Variants in HERC2 observed in about 807,000 individuals in gnomAD.
HERC2 encodes E3 ubiquitin-protein ligase HERC2.
In HERC2, 102 loss-of-function variants were observed where a neutral mutation model predicts 537.7. That is an observed-to-expected ratio of 0.19 (90% CI 0.16 to 0.22). The LOEUF (loss-of-function observed/expected upper bound fraction) is 0.22, where lower values mean the gene tolerates loss of function less well. Among genes scored for constraint, HERC2 ranks in the 10% least tolerant of loss-of-function variants. The pLI is 1.00. For synonymous variants in HERC2, 2,224 were observed against 2,466.2 expected, an observed-to-expected ratio of 0.90 and a Z score of 2.91; for missense variants, 4,236 against 6,198.2, an observed-to-expected ratio of 0.68 and a Z score of 10.63.
At chr15:28,278,181 G>A (rs971823408) in intron 5 of HERC2, among the ~76,000 whole-genome samples, 4 of 152,040 alleles carry the variant, frequency 2.6e-5, no homozygotes, top group East Asian at 3.9e-4. Context: ...CAGATCACTC[G>A]AGGCCAGCCT....
At chr15:28,175,040 G>A (rs1895124586) in intron 64 of HERC2, among the ~76,000 whole-genome samples, 1 of 151,858 alleles carries the variant, frequency 6.6e-6, no homozygotes. Flanking sequence ...CTAAAATACA[G>A]TAATGGTAAT....
chr15:28,304,390 T>TG (rs1279427928), intron 2 of HERC2, among the ~76,000 whole-genome samples: 1 of 150,292 alleles, frequency 6.7e-6, no homozygotes, highest in Non-Finnish European at 1.5e-5. Flanking sequence ...TTTCCTGAGA[T>TG]GGAGTCTTGC....
intron 35 of HERC2, among the ~76,000 whole-genome samples, chr15:28,225,997 A>C (rs1596278741): frequency 6.6e-6 from 1 of 152,368 alleles, no homozygotes; most frequent in Non-Finnish European, 1.5e-5. Context: ...ACTCTACCAA[A>C]GATTTAAAGC....
At position 28,265,968 on chromosome 15, in the gene HERC2, CA is replaced by C; in HGVS notation, c.1604del (p.Leu535TrpfsTer6). ...AGGCGGAGATCACCTTAGGCTCCTC[CA>C]AAGGCCTTGGGGAGAAAGGGAACAA... is the stretch of plus-strand genomic sequence containing the variant. ...GRLGHGDTVP[L>X]EEPKVISAFS... On this transcript the variant is annotated frameshift_variant, in exon 13 of 93. Coordinates refer to ENST00000261609, the MANE Select transcript of HERC2 (RefSeq NM_004667.6). LOFTEE classifies it high-confidence loss of function. The surrounding 1 kb of genome is among the most constrained non-coding windows in gnomAD (Gnocchi z 4.0). 6.2e-7 allele frequency: 1 copy of C among 1,614,112 alleles called. No homozygotes were observed. The highest frequency in any genetic ancestry group is 1.3e-5 in the African/African-American group (1 of 75,050).
At chr15:28,142,179 C>G in intron 76 of HERC2, 59 bp downstream of exon 76, 1 of 1,564,986 alleles carries the variant, frequency 6.4e-7, no homozygotes, top group Non-Finnish European at 8.7e-7. Flanking sequence ...CATCTTGTTA[C>G]ACTATAGCTA....
intron 2 of HERC2, chr15:28,315,617 A>AC: frequency 1.9e-6 from 1 of 526,388 alleles, no homozygotes; most frequent in East Asian, 3.3e-5. Flanking sequence ...ACATGGTGAA[A>AC]CCCCATCTCT....
At chr15:28,123,362 A>G (rs1195930790) in intron 85 of HERC2, among the ~76,000 whole-genome samples, 3 of 152,210 alleles carry the variant, frequency 2.0e-5, no homozygotes, top group Non-Finnish European at 4.4e-5. Context: ...CCAATTCTAT[A>G]ACTTTTCCCT....
chr15:28,123,917 C>T (rs1889195679), intron 85 of HERC2, 120 bp downstream of exon 85: 11 of 756,478 alleles, frequency 1.5e-5, no homozygotes, highest in East Asian at 3.2e-5. Flanking sequence ...GGAGGCATTC[C>T]GTGAACATTT....
chr15:28,304,115 G>A lies in HERC2; in HGVS notation c.73-4599C>T, dbSNP rs148216822. Among the ~76,000 whole-genome samples, 619 of 130,096 alleles carry A rather than the reference G, an allele frequency of 4.8e-3. 4 individuals are homozygous for A. Among genetic ancestry groups the A allele is most frequent in the African/African-American group, 0.017 (578 of 34,326 alleles). 85.3% of individuals were successfully genotyped at this position (130,096 alleles called of 152,430 possible). A position where few individuals can be genotyped will look rare whatever the true frequency, so the allele number is the denominator to read the frequency against. On this transcript the variant is annotated intron_variant, in intron 2 of 92. Transcript: ENST00000261609. ...CAGGAGGCAGAGGTTGCAGTGAGCC[G>A]AGATTGCGCCATTGCTTTCCAGCCT...
At chr15:28,253,232 ACTT>A (rs921747136) in intron 20 of HERC2, among the ~76,000 whole-genome samples, 5 of 152,180 alleles carry the variant, frequency 3.3e-5, no homozygotes, top group Non-Finnish European at 5.9e-5. Context: ...GCTGACTCTG[ACTT>A]CTTCTTCCCA....
Position 28,217,780 on chromosome 15 carries a change from CA to C in HERC2, c.6028+708del, listed in dbSNP as rs202195884. On this transcript the variant is annotated intron_variant, in intron 38 of 92. Transcript: ENST00000261609. ...GAGACAGAAAAGGACATGCAGAACA[CA>C]GGGGCAGGGGCCATGTGAAGACGCA... Among the ~76,000 whole-genome samples, 917 of 152,264 alleles carry C rather than the reference CA, an allele frequency of 6.0e-3. 8 individuals carry two copies. Among genetic ancestry groups the C allele is most frequent in the Middle Eastern group, 0.017 (5 of 294 alleles).
chr15:28,262,066 GAGAGA>G (rs1255535536), intron 15 of HERC2, among the ~76,000 whole-genome samples: 1 of 152,124 alleles, frequency 6.6e-6, no homozygotes, highest in Admixed American at 6.5e-5. Context: ...GCCCACCCCT[GAGAGA>G]AGAGAACCCT....
chr15:28,197,341 G>A (rs1228305777), intron 50 of HERC2, among the ~76,000 whole-genome samples: 1 of 152,120 alleles, frequency 6.6e-6, no homozygotes, highest in African/African-American at 2.4e-5. Context: ...AGTGTGCCAC[G>A]GATTTGATTT....
chr15:28,126,283 G>A (rs537590907), intron 83 of HERC2, among the ~76,000 whole-genome samples: 9 of 152,308 alleles, frequency 5.9e-5, no homozygotes, highest in Middle Eastern at 3.4e-3. Context: ...AACGCGTTGT[G>A]ATGGAAAGCA....
intron 15 of HERC2, among the ~76,000 whole-genome samples, chr15:28,262,267 C>T (rs1018726780): frequency 6.6e-6 from 1 of 152,078 alleles, no homozygotes; most frequent in Non-Finnish European, 1.5e-5. Context: ...TTTGATGGCC[C>T]CCACCCCAAC....
chr15:28,197,950 C>T (rs1250917297), intron 50 of HERC2, among the ~76,000 whole-genome samples: 1 of 152,186 alleles, frequency 6.6e-6, no homozygotes, highest in Non-Finnish European at 1.5e-5. Context: ...CACACAGTCC[C>T]CTATCCTGGT....
At chr15:28,210,741 T>A (rs1899110185) in intron 44 of HERC2, among the ~76,000 whole-genome samples, 1 of 152,054 alleles carries the variant, frequency 6.6e-6, no homozygotes, top group South Asian at 2.1e-4. Flanking sequence ...GCCACCAATC[T>A]TGCTGACCCA....
At position 28,254,450 on chromosome 15, in the gene HERC2, T is replaced by A. The variant is rs764788352; in HGVS notation, c.2940A>T (p.Thr980=). 1.3e-5 allele frequency: 21 copies of A among 1,607,418 alleles called. No individual in the cohort carries two copies. The East Asian group carries it at 1.6e-4, about 12-fold the overall frequency. ...EIDEQEANAS[T]FHRSRTPLDK... ...CCAGTGGAGTCCTGCTTCTATGAAATGTTGAGGCATTCGCTTCCTGTTCAT... is the reference window on the plus strand; with the variant it reads ...CCAGTGGAGTCCTGCTTCTATGAAAAGTTGAGGCATTCGCTTCCTGTTCAT... Residue 980 remains threonine (T), a synonymous_variant, in exon 20 of 93, where the codon ACA becomes ACT. Coordinates refer to ENST00000261609, the MANE Select transcript of HERC2 (RefSeq NM_004667.6).
Position 28,265,605 on chromosome 15 carries a change from G to A in HERC2, c.1870+13C>T. 2 of 1,609,090 alleles carry A rather than the reference G, an allele frequency of 1.2e-6. No individual in the cohort carries two copies. The highest frequency in any genetic ancestry group is 1.7e-6 in the Non-Finnish European group (2 of 1,176,078). On this transcript the variant is annotated intron_variant, in intron 14 of 92. Transcript: ENST00000261609. The surrounding 1 kb of genome is among the most constrained non-coding windows in gnomAD (Gnocchi z 4.0). ...CTCGTGGGCCTGTCCAGGGTGGCGA[G>A]AGCTCTACGTACCGTTCTCAGTGAC...
Sources: gnomAD v4.1 joint callset for allele counts (sites outside exome capture counted in the v4.1 genomes callset) on GRCh38, gnomAD v4.1.1 for gene constraint, Gnocchi (gnomAD v3.1) non-coding constraint, MANE v1.5 for transcripts, NCBI Gene and HGNC (gene_info 2026-07-23, HGNC 2026-07-21) for gene names.